MEF2A: variants seen among roughly 807,000 people sequenced by gnomAD.
The protein encoded by MEF2A is myocyte enhancer factor 2A, also known as myocyte-specific enhancer factor 2A.
A neutral mutation model predicts 55.8 loss-of-function variants in MEF2A; 28 were observed. The ratio of observed to expected loss-of-function variants is 0.50; its 90% confidence interval spans 0.37 to 0.69. The LOEUF (loss-of-function observed/expected upper bound fraction) is 0.69, where lower values mean the gene tolerates loss of function less well. Among genes scored for constraint, MEF2A ranks in the 30% least tolerant of loss-of-function variants. The pLI is 0.00. For synonymous variants in MEF2A, 239 were observed against 227.1 expected, an observed-to-expected ratio of 1.05 and a Z score of -0.47; for missense variants, 528 against 626.2, an observed-to-expected ratio of 0.84 and a Z score of 1.67.
intron 4 of MEF2A, among the ~76,000 whole-genome samples, chr15:99,659,416 T>G (rs1310954034): frequency 6.6e-6 from 1 of 152,026 alleles, no homozygotes; most frequent in Non-Finnish European, 1.5e-5. Context: ...AAGATAGGGG[T>G]GATAAGATCA....
chr15:99,603,373 A>ATTT (rs71149481), intron 2 of MEF2A, among the ~76,000 whole-genome samples: 1 of 141,394 alleles, frequency 7.1e-6, no homozygotes, highest in Non-Finnish European at 1.6e-5. Context: ...TGTTAGTAAA[A>ATTT]TTTTTTTTTT....
chr15:99,669,958 C>G (rs150219716), intron 4 of MEF2A, among the ~76,000 whole-genome samples: 1 of 152,206 alleles, frequency 6.6e-6, no homozygotes, highest in Non-Finnish European at 1.5e-5. Context: ...TAACTAAGCT[C>G]TGTTAGTTAG....
At chr15:99,654,079 T>C (rs1201221839) in intron 4 of MEF2A, among the ~76,000 whole-genome samples, 1 of 152,110 alleles carries the variant, frequency 6.6e-6, no homozygotes, top group Non-Finnish European at 1.5e-5. Flanking sequence ...ATTTTTATTG[T>C]GGTTTTCCAC....
chr15:99,712,727 A>G lies in MEF2A; in HGVS notation c.1474A>G (p.Ser492Gly), dbSNP rs1445884204. The G allele has an allele frequency of 5.8e-6, 9 of 1,564,552 alleles. 1 individual carries two copies. The highest frequency in any genetic ancestry group is 1.7e-4 in the Middle Eastern group (1 of 6,014). The stretch of plus-strand genomic sequence containing the variant: ...ACCCCCAAACACTGAGGACAGAGAA[A>G]GCCCTTCTGTAAAGCGAATGAGGAT... ...GRPPNTEDRE[S>G]PSVKRMRMDA... The change falls in exon 12 of 12, where the codon AGC becomes GGC. Residue 492 changes from serine to glycine, a missense_variant. Around this residue, in one of 2 missense-constraint regions of MEF2A, gnomAD observed 450 missense variants for 475.3 expected, o/e 0.95. Coordinates refer to ENST00000557942, the MANE Select transcript of MEF2A (RefSeq NM_001319206.4). This position sits in a 1 kb window ranked among gnomAD's most constrained non-coding sequence, Gnocchi z 4.1.
intron 5 of MEF2A, among the ~76,000 whole-genome samples, chr15:99,672,568 A>C (rs780375777): frequency 7.9e-5 from 12 of 152,194 alleles, no homozygotes; most frequent in Non-Finnish European, 1.3e-4. Context: ...CATCAGAGTT[A>C]ATTCTTTCAA....
intron 5 of MEF2A, 158 bp downstream of exon 5, chr15:99,671,612 A>T: frequency 6.3e-7 from 1 of 1,595,096 alleles, no homozygotes; most frequent in Non-Finnish European, 8.5e-7. Context: ...AATATAAAAA[A>T]ATTAATGAGG....
At chr15:99,664,040 G>T (rs1440733288) in intron 4 of MEF2A, among the ~76,000 whole-genome samples, 1 of 152,184 alleles carries the variant, frequency 6.6e-6, no homozygotes, top group Non-Finnish European at 1.5e-5. Flanking sequence ...TGTTGGGGTA[G>T]ATACCATTGT....
At chr15:99,590,017 T>C (rs986870936) in intron 1 of MEF2A, among the ~76,000 whole-genome samples, 16 of 152,208 alleles carry the variant, frequency 1.1e-4, no homozygotes, top group African/African-American at 3.1e-4. Flanking sequence ...TGGTTTATAG[T>C]GTTGTTCAGG....
intron 4 of MEF2A, among the ~76,000 whole-genome samples, chr15:99,656,733 C>T (rs747679989): frequency 1.3e-5 from 2 of 152,080 alleles, no homozygotes; most frequent in African/African-American, 2.4e-5. Flanking sequence ...AAATTGAATG[C>T]ATATTTTAAT....
intron 8 of MEF2A, among the ~76,000 whole-genome samples, chr15:99,702,751 T>TC (rs2057568278): frequency 6.6e-6 from 1 of 152,248 alleles, no homozygotes; most frequent in Admixed American, 6.5e-5. Flanking sequence ...ATGTGGTTTT[T>TC]CTCCATTGAA....
rs200759091 is a variant in MEF2A, at chr15:99,657,920, A to T, written c.258+12156A>T. 2.9e-4 allele frequency among the ~76,000 whole-genome samples: 44 copies of T among 152,284 alleles called. No homozygotes were observed. In the East Asian group the frequency reaches 8.1e-3, roughly 28 times the overall value. On this transcript the variant is annotated intron_variant, in intron 4 of 11. Coordinates refer to ENST00000557942, the MANE Select transcript of MEF2A (RefSeq NM_001319206.4). ...GTAGTTCCAAGTCATATAATACCAG[A>T]CATTCAAGAAAACTAGTGCCCTGTT...
intron 5 of MEF2A, 132 bp from the exon 6 acceptor site, chr15:99,674,261 A>C: frequency 1.4e-6 from 1 of 709,592 alleles, no homozygotes; most frequent in South Asian, 2.2e-5. Context: ...TTTAATCTGT[A>C]AATTGGTTAA....
In MEF2A at chr15:99,632,615, G is replaced by A. The variant is rs2043125841; in HGVS notation, c.-142-363G>A. On this transcript the variant is annotated intron_variant, in intron 2 of 11. Coordinates refer to ENST00000557942, the MANE Select transcript of MEF2A (RefSeq NM_001319206.4). ...TCAGTGTCTCTATTTATAAAATGGA[G>A]GTAATAATTATAGATTGCTATTAGG... is the stretch of plus-strand genomic sequence containing the variant. Among the ~76,000 whole-genome samples, 3 of 152,148 alleles carry A rather than the reference G, an allele frequency of 2.0e-5. No homozygotes were observed. The South Asian group carries it at 6.2e-4, about 32-fold the overall frequency.
chr15:99,579,498 G>A (rs1373714888), intron 1 of MEF2A, among the ~76,000 whole-genome samples: 1 of 151,980 alleles, frequency 6.6e-6, no homozygotes, highest in Non-Finnish European at 1.5e-5. Context: ...AGTTTCAAGC[G>A]ATTCTTGTGC....
intron 4 of MEF2A, among the ~76,000 whole-genome samples, chr15:99,670,673 C>A (rs2050706969): frequency 6.6e-6 from 1 of 151,624 alleles, no homozygotes; most frequent in Non-Finnish European, 1.5e-5. Flanking sequence ...TTAAATCAAA[C>A]CATGAAATAC....
At chr15:99,606,695 A>G (rs931866845) in intron 2 of MEF2A, among the ~76,000 whole-genome samples, 2 of 152,214 alleles carry the variant, frequency 1.3e-5, no homozygotes, top group African/African-American at 4.8e-5. Flanking sequence ...TATGCCCACT[A>G]GAATGGCTGA....
At chr15:99,565,499 CGGAGCGGG>C (rs1004662951), upstream of MEF2A, 1 of 147,984 alleles carries the variant, frequency 6.8e-6, no homozygotes, top group Non-Finnish European at 1.5e-5. Context: ...GGCTGAGCGG[CGGAGCGGG>C]GGCGGCAGGG....
intron 10 of MEF2A, among the ~76,000 whole-genome samples, chr15:99,709,773 G>A (rs2058416816): frequency 6.6e-6 from 1 of 152,200 alleles, no homozygotes; most frequent in Non-Finnish European, 1.5e-5. Context: ...CAGTGATTAC[G>A]ACTGAAGCAT....
At chr15:99,623,243 C>CT (rs950429200) in intron 2 of MEF2A, among the ~76,000 whole-genome samples, 1 of 152,180 alleles carries the variant, frequency 6.6e-6, no homozygotes, top group Non-Finnish European at 1.5e-5. Context: ...GGATTTCCTT[C>CT]TTTTTTAATG....
Sources: allele counts gnomAD v4.1 joint callset (sites outside exome capture counted in the v4.1 genomes callset), GRCh38; gene constraint gnomAD v4.1.1; regional missense constraint gnomAD v4.1.1; non-coding constraint Gnocchi (gnomAD v3.1); transcripts MANE v1.5; gene names NCBI Gene and HGNC (gene_info 2026-07-23, HGNC 2026-07-21).